Variants in PTPRT observed in about 807,000 individuals in gnomAD.
PTPRT encodes protein tyrosine phosphatase receptor type T.
A neutral mutation model predicts 176.8 loss-of-function variants in PTPRT; 56 were observed. The ratio of observed to expected loss-of-function variants is 0.32; its 90% CI spans 0.26 to 0.40. The LOEUF is 0.40. PTPRT is among the 10% of genes least tolerant of loss of function. The pLI, the probability that PTPRT is intolerant of heterozygous loss-of-function variation, is 1.00. For synonymous variants in PTPRT, 783 were observed against 739.0 expected, an observed-to-expected ratio of 1.06 and a Z score of -0.96; for missense variants, 1,540 against 1,908.2, an observed-to-expected ratio of 0.81 and a Z score of 3.60.
intron 1 of PTPRT, among the ~76,000 whole-genome samples, chr20:43,001,883 A>C (rs9679910): frequency 2.9e-4 from 42 of 145,126 alleles, no homozygotes; most frequent in Non-Finnish European, 5.1e-4. Flanking sequence ...AACAAACAAA[A>C]AAACAAACAA....
At chr20:42,255,503 C>T (rs938177513) in intron 13 of PTPRT, among the ~76,000 whole-genome samples, 4 of 152,166 alleles carry the variant, frequency 2.6e-5, no homozygotes, top group Non-Finnish European at 5.9e-5. Context: ...TAACCTGCTA[C>T]CTAAGTTCAT....
chr20:42,217,659 T>C (rs1336349443), intron 15 of PTPRT, among the ~76,000 whole-genome samples: 1 of 152,182 alleles, frequency 6.6e-6, no homozygotes, highest in Non-Finnish European at 1.5e-5. Context: ...TACGTATGTG[T>C]TGGGGAGTTA....
chr20:42,261,191 T>C (rs1568718349), intron 13 of PTPRT, among the ~76,000 whole-genome samples: 1 of 152,180 alleles, frequency 6.6e-6, no homozygotes, highest in Non-Finnish European at 1.5e-5. Context: ...TCTTCTTTGC[T>C]TCTTCCTAGC....
Position 42,081,414 on chromosome 20 carries a change from C to T in PTPRT, c.4272+468G>A, listed in dbSNP as rs187763168. Among the ~76,000 whole-genome samples the T allele has an allele frequency of 4.9e-4, 75 of 152,288 alleles. 1 individual carries two copies. The highest frequency in any genetic ancestry group is 1.8e-4 in the Non-Finnish European group (12 of 68,016). On this transcript the variant is annotated intron_variant, in intron 30 of 30. Transcript: ENST00000373187. ...ATATTAAAGCTCCTCGTGCATGGTG[C>T]GGTGGTCCACCATGGTACCAGGTCT...
At chr20:43,076,113 T>C (rs1383151713) in intron 1 of PTPRT, among the ~76,000 whole-genome samples, 1 of 152,206 alleles carries the variant, frequency 6.6e-6, no homozygotes, top group East Asian at 1.9e-4. Context: ...GGTTTGGGAT[T>C]TTTTTAAACA....
At chr20:42,639,332 C>T (rs900444396) in intron 7 of PTPRT, among the ~76,000 whole-genome samples, 2 of 152,044 alleles carry the variant, frequency 1.3e-5, no homozygotes, top group African/African-American at 4.8e-5. Context: ...TTTTAGCTGA[C>T]GAATGCACTT....
chr20:43,013,229 C>G (rs745636706), intron 1 of PTPRT, among the ~76,000 whole-genome samples: 2 of 152,076 alleles, frequency 1.3e-5, no homozygotes, highest in Non-Finnish European at 2.9e-5. Context: ...CTGAACATGC[C>G]TGGTCTACAG....
At chr20:42,769,861 G>C (rs1382587199) in intron 5 of PTPRT, among the ~76,000 whole-genome samples, 1 of 152,084 alleles carries the variant, frequency 6.6e-6, no homozygotes, top group East Asian at 1.9e-4. Context: ...AGGAAAGAAG[G>C]GTACATACCG....
chr20:42,249,310 G>A (rs761546454), intron 13 of PTPRT, among the ~76,000 whole-genome samples: 27 of 152,172 alleles, frequency 1.8e-4, no homozygotes, highest in South Asian at 4.2e-4. Flanking sequence ...TTCTTTATAG[G>A]GAACAAATGG....
chr20:43,057,295 AGG>A (rs1159073339), intron 1 of PTPRT, among the ~76,000 whole-genome samples: 1 of 54,754 alleles, frequency 1.8e-5, no homozygotes, highest in Admixed American at 2.7e-4. Flanking sequence ...AGGGGAGGGG[AGG>A]GGGGAAGGAA....
intron 11 of PTPRT, among the ~76,000 whole-genome samples, chr20:42,343,464 T>C (rs537420827): frequency 2.6e-5 from 4 of 152,332 alleles, no homozygotes; most frequent in African/African-American, 9.6e-5. Context: ...CTCATCGTCA[T>C]AAGTACTCTA....
At chr20:42,425,729 T>TA (rs1339398068) in intron 9 of PTPRT, among the ~76,000 whole-genome samples, 1 of 152,148 alleles carries the variant, frequency 6.6e-6, no homozygotes, top group African/African-American at 2.4e-5. Context: ...CCTAAACAGA[T>TA]ACAATTTTTA....
rs1272320901 is a variant in PTPRT, at chr20:42,316,468, T to C, written c.1866-472A>G. Among the ~76,000 whole-genome samples, 3 of 152,320 alleles carry C rather than the reference T, an allele frequency of 2.0e-5. No homozygotes were observed. The South Asian group carries it at 6.2e-4, about 32-fold the overall frequency. On this transcript the variant is annotated intron_variant, in intron 11 of 30. Coordinates refer to ENST00000373187, the MANE Select transcript of PTPRT (RefSeq NM_007050.6). ...CTGATAATGCCTTGGTTGGACACTTTCCCACTTACCCAGATTCAACTAGTC... is the reference window on the plus strand; with the variant it reads ...CTGATAATGCCTTGGTTGGACACTTCCCCACTTACCCAGATTCAACTAGTC...
At chr20:42,199,632 A>C (rs2223718) in intron 15 of PTPRT, among the ~76,000 whole-genome samples, 1 of 152,012 alleles carries the variant, frequency 6.6e-6, no homozygotes, top group Non-Finnish European at 1.5e-5. Flanking sequence ...ATGGGAAATC[A>C]ATGAGACTTG....
chr20:42,150,443 C>T (rs550368953), intron 17 of PTPRT, among the ~76,000 whole-genome samples: 18 of 152,192 alleles, frequency 1.2e-4, no homozygotes, highest in Non-Finnish European at 2.4e-4. Context: ...TGAGGGCTTG[C>T]CGCCTCCATG....
At position 42,654,783 on chromosome 20, in the gene PTPRT, C is replaced by T. The variant is rs6030396; in HGVS notation, c.1153+23083G>A. 1.1e-3 allele frequency among the ~76,000 whole-genome samples: 162 copies of T among 152,282 alleles called. 3 individuals are homozygous for T. Among genetic ancestry groups the T allele is most frequent in the African/African-American group, 3.7e-3 (155 of 41,574 alleles). ...GTTTAGTAAGTTGCTCAGGTTCACACAGCTGGTAAGTAGTGAGATGAGAGT... is the reference window on the plus strand; with the variant it reads ...GTTTAGTAAGTTGCTCAGGTTCACATAGCTGGTAAGTAGTGAGATGAGAGT... On this transcript the variant is annotated intron_variant, in intron 7 of 30. Coordinates refer to ENST00000373187, the MANE Select transcript of PTPRT (RefSeq NM_007050.6).
intron 12 of PTPRT, among the ~76,000 whole-genome samples, chr20:42,314,113 C>T (rs1304580619): frequency 6.6e-6 from 1 of 152,186 alleles, no homozygotes; most frequent in East Asian, 1.9e-4. Flanking sequence ...ATGTTATACA[C>T]TGCATAACAA....
At chr20:42,879,795 T>C (rs2078989175) in intron 2 of PTPRT, among the ~76,000 whole-genome samples, 1 of 152,216 alleles carries the variant, frequency 6.6e-6, no homozygotes, top group Admixed American at 6.5e-5. Context: ...GTGTCACCTG[T>C]GTGTGTGTTC....
At chr20:42,212,048 A>C (rs375444047) in intron 15 of PTPRT, among the ~76,000 whole-genome samples, 4,161 of 125,504 alleles carry the variant, frequency 0.033, 206 homozygotes, top group African/African-American at 0.11. Context: ...ATCACAAGAA[A>C]AAAAAACCAA....
Sources: gnomAD v4.1 joint callset for allele counts (sites outside exome capture counted in the v4.1 genomes callset) on GRCh38, gnomAD v4.1.1 for gene constraint, MANE v1.5 for transcripts, NCBI Gene and HGNC (gene_info 2026-07-23, HGNC 2026-07-21) for gene names.